Variants in AEN observed in about 807,000 individuals in gnomAD.
AEN encodes apoptosis enhancing nuclease.
In AEN, 21 loss-of-function variants were observed where a neutral mutation model predicts 17.7. The ratio of observed to expected loss-of-function variants is 1.19; its 90% CI spans 0.84 to 1.71. AEN has a LOEUF of 1.71. Ranked by LOEUF, AEN falls within the 40% of genes most tolerant of loss-of-function variation. The pLI is 0.00. For synonymous variants in AEN, 190 were observed against 173.0 expected (o/e 1.10, Z -0.77); for missense variants, 462 against 435.9 (o/e 1.06, Z -0.53).
Position 88,631,488 on chromosome 15 carries a change from C to G in AEN, c.*1194C>G. The G allele has an allele frequency of 4.4e-6, 1 of 224,894 alleles. No homozygotes were observed. The highest frequency in any genetic ancestry group is 9.3e-6 in the Non-Finnish European group (1 of 107,346). 13.9% of individuals were successfully genotyped at this position (224,894 alleles called of 1,614,324 possible). A position where few individuals can be genotyped will look rare whatever the true frequency, so the allele number is the denominator to read the frequency against. ...TTGCTTGCAGCTTAGCTTTGAGATA[C>G]TAAGCAAGCGAGGGACTTCACTCTT... On this transcript the variant is annotated 3_prime_UTR_variant, in exon 4 of 4. Coordinates refer to ENST00000332810, the MANE Select transcript of AEN (RefSeq NM_022767.4).
At chr15:88,621,050 C>A (rs1266119069), upstream of AEN, among the ~76,000 whole-genome samples, 4 of 152,164 alleles carry the variant, frequency 2.6e-5, no homozygotes, top group Admixed American at 1.3e-4. Flanking sequence ...CACATCCCGA[C>A]CCAGGTAGAG....
At chr15:88,616,880 T>C (rs1384996365), upstream of AEN, among the ~76,000 whole-genome samples, 1 of 152,224 alleles carries the variant, frequency 6.6e-6, no homozygotes, top group East Asian at 1.9e-4. Flanking sequence ...TAAGTACATC[T>C]AAGGTATGTC....
chr15:88,630,011 CCT>C lies in AEN; in HGVS notation c.742-43_742-42del. 1 of 1,584,886 alleles carries C rather than the reference CCT, an allele frequency of 6.3e-7. No individual in the cohort carries two copies. The highest frequency in any genetic ancestry group is 8.7e-7 in the Non-Finnish European group (1 of 1,155,170). ...TGGCCTTGCTTCTTGGGGTAACAGG[CCT>C]CTCACTAGGCCTGCAGGCAGTGATG... On this transcript the variant is annotated intron_variant, in intron 3 of 3. Transcript: ENST00000332810. This position sits in a 1 kb window ranked among gnomAD's most constrained non-coding sequence, Gnocchi z 5.1.
chr15:88,630,801 G>T lies in AEN; in HGVS notation c.*507G>T, dbSNP rs75834418. ...CCTACCTCTTCCTCCACTCATTTGG[G>T]TTCAGAATAAACATGTCCTGAAGTT... On this transcript the variant is annotated 3_prime_UTR_variant, in exon 4 of 4. Transcript: ENST00000332810. This position sits in a 1 kb window ranked among gnomAD's most constrained non-coding sequence, Gnocchi z 5.1. 192 of 229,092 alleles carry T rather than the reference G, an allele frequency of 8.4e-4. 1 individual carries two copies. Among genetic ancestry groups the T allele is most frequent in the South Asian group, 4.3e-3 (76 of 17,826 alleles). The allele number at this position is 229,092 out of a possible 1,614,324, so 14.2% of individuals were successfully genotyped here. A position where few individuals can be genotyped will look rare whatever the true frequency, so the allele number is the denominator to read the frequency against.
At chr15:88,614,635 C>A in the AEN span, among the ~76,000 whole-genome samples, 2 of 152,182 alleles carry the variant, frequency 1.3e-5, no homozygotes, top group African/African-American at 4.8e-5. Flanking sequence ...TCCAGCCCCA[C>A]CCATCGCAAC....
At chr15:88,613,309 TC>T in the AEN span, among the ~76,000 whole-genome samples, 1 of 152,178 alleles carries the variant, frequency 6.6e-6, no homozygotes, top group Non-Finnish European at 1.5e-5. Context: ...CTTCTGCACT[TC>T]CAGTCTTAAA....
intron 3 of AEN, among the ~76,000 whole-genome samples, chr15:88,629,654 A>T (rs1421092444): frequency 6.6e-6 from 1 of 152,128 alleles, no homozygotes; most frequent in East Asian, 1.9e-4. Context: ...CCCAGAACAC[A>T]TTCTCCTAGG....
At chr15:88,618,695 T>C (rs1346634015), upstream of AEN, among the ~76,000 whole-genome samples, 1 of 152,250 alleles carries the variant, frequency 6.6e-6, no homozygotes, top group African/African-American at 2.4e-5. Flanking sequence ...CTGATAAACA[T>C]TGTTTACATT....
Position 88,626,650 on chromosome 15 carries a change from C to T in AEN, c.441C>T (p.Ile147=), listed in dbSNP as rs35195058. ...GCAATGTCCTCTATGACAAGTACAT[C>T]AGGCCTGAGATGCCCATCGCTGACT... ...YHGNVLYDKY[I]RPEMPIADYR... is the part of the protein sequence containing the mutation. Residue 147 remains isoleucine, a synonymous_variant, in exon 2 of 4, where the codon ATC becomes ATT. Coordinates refer to ENST00000332810, the MANE Select transcript of AEN (RefSeq NM_022767.4). The T allele has an allele frequency of 6.6e-4, 1,061 of 1,613,984 alleles. 6 individuals are homozygous for T. In the African/African-American group the frequency reaches 0.013, roughly 19 times the overall value.
chr15:88,626,834 T>TG lies in AEN; in HGVS notation c.540+90dup, dbSNP rs1252368604. 14 of 1,461,006 alleles carry TG rather than the reference T, an allele frequency of 9.6e-6. No homozygotes were observed. The East Asian group carries it at 3.2e-4, about 33-fold the overall frequency. The allele number at this position is 1,461,006 out of a possible 1,614,324, so 90.5% of individuals were successfully genotyped here. On this transcript the variant is annotated intron_variant, in intron 2 of 3. Transcript: ENST00000332810. ...GGTTTGAATCACCACTTTGCTTCAC[T>TG]GGGGGCAAGAAACCTTGGGAAAGTC...
At chr15:88,614,608 T>C in the AEN span, among the ~76,000 whole-genome samples, 1,917 of 152,278 alleles carry the variant, frequency 0.013, 51 homozygotes, top group African/African-American at 0.044. Flanking sequence ...CAACCGGGTT[T>C]ACGAAACAGC....
At chr15:88,608,451 T>A in the AEN span, among the ~76,000 whole-genome samples, 2 of 152,212 alleles carry the variant, frequency 1.3e-5, no homozygotes, top group Non-Finnish European at 2.9e-5. Flanking sequence ...TCAGTGCAGG[T>A]TATTGTTACC....
the AEN span, among the ~76,000 whole-genome samples, chr15:88,612,221 T>C: frequency 1.2e-4 from 18 of 152,166 alleles, no homozygotes; most frequent in Non-Finnish European, 1.6e-4. Context: ...GCACCTATAA[T>C]GGAGGCACCT....
Position 88,626,549 on chromosome 15 carries a change from G to A in AEN, c.340G>A (p.Asp114Asn), listed in dbSNP as rs767609233. The change falls in exon 2 of 4, where the codon GAC (aspartate) becomes AAC (asparagine). Residue 114 changes from aspartate to asparagine, a missense_variant. By Grantham distance (23) the Asp-to-Asn change is conservative. Transcript: ENST00000332810. ...GPLPSKCVAI[D>N]CEMVGTGPRG... ...CTTGCCCAGCAAGTGTGTGGCTATCGACTGTGAGATGGTGGGCACGGGACC... is the reference window on the plus strand; with the variant it reads ...CTTGCCCAGCAAGTGTGTGGCTATCAACTGTGAGATGGTGGGCACGGGACC... 8 of 1,614,028 alleles carry A rather than the reference G, an allele frequency of 5.0e-6. No homozygotes were observed. The highest frequency in any genetic ancestry group is 1.6e-4 in the Middle Eastern group (1 of 6,084).
the AEN span, among the ~76,000 whole-genome samples, chr15:88,612,273 G>T: frequency 1.3e-5 from 2 of 152,276 alleles, no homozygotes; most frequent in African/African-American, 4.8e-5. Flanking sequence ...ATTGTCTGTG[G>T]CCCGACAGCC....
chr15:88,607,939 C>G, the AEN span, among the ~76,000 whole-genome samples: 1 of 152,166 alleles, frequency 6.6e-6, no homozygotes, highest in South Asian at 2.1e-4. Flanking sequence ...TACTTTTCTT[C>G]CCAAAGAAGT....
intron 1 of AEN, among the ~76,000 whole-genome samples, chr15:88,624,302 T>C (rs2057823929): frequency 6.6e-6 from 1 of 151,978 alleles, no homozygotes; most frequent in African/African-American, 2.4e-5. Flanking sequence ...GAACAGTAGC[T>C]GAGTCTGAAA....
At chr15:88,606,842 C>T in the AEN span, among the ~76,000 whole-genome samples, 1 of 152,228 alleles carries the variant, frequency 6.6e-6, no homozygotes, top group African/African-American at 2.4e-5. Flanking sequence ...TCCCCTCCCC[C>T]CTCCACCCCA....
chr15:88,616,414 A>G (rs2057738972), upstream of AEN, among the ~76,000 whole-genome samples: 1 of 152,168 alleles, frequency 6.6e-6, no homozygotes, highest in South Asian at 2.1e-4. Flanking sequence ...TTTTTATTCA[A>G]TCCAGGGGCA....
Sources: gnomAD v4.1 joint callset for allele counts (sites outside exome capture counted in the v4.1 genomes callset) on GRCh38, gnomAD v4.1.1 for gene constraint, Gnocchi (gnomAD v3.1) non-coding constraint, MANE v1.5 for transcripts, NCBI Gene and HGNC (gene_info 2026-07-23, HGNC 2026-07-21) for gene names.